The following PDE4D variants were observed in gnomAD, a reference collection of about 807,000 sequenced individuals.
PDE4D encodes the protein phosphodiesterase 4D.
Under a neutral mutation model 87.4 loss-of-function variants are expected in PDE4D, and 24 were observed. The observed-to-expected ratio is 0.27, with a 90% confidence interval of 0.20 to 0.39. The LOEUF (loss-of-function observed/expected upper bound fraction) is 0.39. Ranked by LOEUF, PDE4D falls within the 10% of genes least tolerant of loss-of-function variation. The pLI, the probability that PDE4D is intolerant of heterozygous loss-of-function variation, is 1.00. For missense variants in PDE4D, 714 were observed against 1,041.0 expected (o/e 0.69, Z 4.32); for synonymous variants, 384 against 383.2 (o/e 1.00, Z -0.02).
chr5:59,153,061 A>G (rs1779678275), intron 5 of PDE4D, among the ~76,000 whole-genome samples: 2 of 152,166 alleles, frequency 1.3e-5, no homozygotes, highest in African/African-American at 4.8e-5. Flanking sequence ...AGAGGGAAAG[A>G]AAATGGAAGG....
chr5:59,416,700 TA>T (rs1367288644), intron 1 of PDE4D, among the ~76,000 whole-genome samples: 3 of 152,218 alleles, frequency 2.0e-5, no homozygotes, highest in African/African-American at 7.2e-5. Context: ...TGTTTTATGT[TA>T]ATCAGAGTAA....
chr5:59,657,494 A>C (rs1744561518), intron 1 of PDE4D, among the ~76,000 whole-genome samples: 1 of 152,202 alleles, frequency 6.6e-6, no homozygotes, highest in Non-Finnish European at 1.5e-5. Flanking sequence ...TTTTAGATAA[A>C]AAATAAATGT....
chr5:59,319,532 T>A (rs1045332786), intron 1 of PDE4D, among the ~76,000 whole-genome samples: 6 of 152,140 alleles, frequency 3.9e-5, no homozygotes, highest in Non-Finnish European at 7.4e-5. Context: ...GAGAAAATCA[T>A]GGAAATTACA....
intron 1 of PDE4D, among the ~76,000 whole-genome samples, chr5:59,529,779 T>C (rs567318977): frequency 6.6e-6 from 1 of 152,328 alleles, no homozygotes; most frequent in South Asian, 2.1e-4. Flanking sequence ...TACTTCTCTG[T>C]AGGTATCTCG....
intron 5 of PDE4D, among the ~76,000 whole-genome samples, chr5:59,075,851 T>C (rs578215644): frequency 2.2e-4 from 34 of 152,296 alleles, no homozygotes; most frequent in African/African-American, 7.9e-4. Flanking sequence ...TATCCATTTT[T>C]TTTAAAGACC....
intron 2 of PDE4D, among the ~76,000 whole-genome samples, chr5:60,065,879 G>A (rs1028597581): frequency 1.3e-5 from 2 of 152,060 alleles, no homozygotes; most frequent in Admixed American, 6.6e-5. Context: ...ATTGTGAATA[G>A]TGCAGCTATA....
intron 1 of PDE4D, chr5:59,592,204 T>C: frequency 1.1e-6 from 1 of 897,514 alleles, no homozygotes; most frequent in Non-Finnish European, 1.3e-6. Flanking sequence ...AAAAACATTG[T>C]TGGTACTCAG....
chr5:59,410,016 C>T (rs966031083), intron 1 of PDE4D, among the ~76,000 whole-genome samples: 2 of 152,146 alleles, frequency 1.3e-5, no homozygotes, highest in African/African-American at 4.8e-5. Flanking sequence ...GTAATAATCA[C>T]ATCAGGATAA....
intron 2 of PDE4D, among the ~76,000 whole-genome samples, chr5:60,085,755 A>G (rs1358965750): frequency 6.6e-6 from 1 of 152,150 alleles, no homozygotes. Flanking sequence ...TTCATCATTT[A>G]TTGTTGTTAT....
At chr5:59,486,233 T>A (rs1489853434) in intron 1 of PDE4D, among the ~76,000 whole-genome samples, 1 of 152,188 alleles carries the variant, frequency 6.6e-6, no homozygotes, top group Non-Finnish European at 1.5e-5. Context: ...GAATGTCATC[T>A]AGGAAACCAC....
At chr5:60,498,389 C>T (rs929496765) in intron 1 of PDE4D, among the ~76,000 whole-genome samples, 14 of 152,154 alleles carry the variant, frequency 9.2e-5, no homozygotes, top group African/African-American at 3.4e-4. Context: ...AAGGTGAATC[C>T]GAGCACAAGT....
intron 5 of PDE4D, among the ~76,000 whole-genome samples, chr5:59,171,284 T>C (rs1782727402): frequency 6.6e-6 from 1 of 152,158 alleles, no homozygotes; most frequent in Non-Finnish European, 1.5e-5. Flanking sequence ...TTCCCTCATC[T>C]CCACAGCCCC....
At chr5:59,217,998 G>T (rs1751642779) in intron 1 of PDE4D, 2 of 488,536 alleles carry the variant, frequency 4.1e-6, no homozygotes, top group African/African-American at 2.0e-5. Flanking sequence ...ACTCAGGCTG[G>T]GATATCTGAG....
At chr5:59,861,643 A>AT (rs1185093215) in intron 1 of PDE4D, among the ~76,000 whole-genome samples, 8 of 152,026 alleles carry the variant, frequency 5.3e-5, no homozygotes, top group African/African-American at 1.9e-4. Flanking sequence ...GTTAATGTTC[A>AT]TTTTTTTTCC....
chr5:60,148,421 T>C (rs2910839), intron 2 of PDE4D, among the ~76,000 whole-genome samples: 2 of 152,200 alleles, frequency 1.3e-5, no homozygotes, highest in East Asian at 3.9e-4. Context: ...ATTAGCAGTA[T>C]TCTAGAGATA....
At position 59,565,760 on chromosome 5, in the gene PDE4D, G is replaced by A. The variant is rs139261548; in HGVS notation, c.455+327408C>T. Reference sequence around the variant, plus strand: ...ATGATTACAGCTTCAGAATGCTGAAGTGCAGCTGTGCCTATGTTTTCTTCC... The same window carrying A: ...ATGATTACAGCTTCAGAATGCTGAAATGCAGCTGTGCCTATGTTTTCTTCC... On this transcript the variant is annotated intron_variant, in intron 1 of 14. Transcript: ENST00000340635. Among the ~76,000 whole-genome samples the A allele has an allele frequency of 1.4e-3, 209 of 152,300 alleles. 1 individual carries two copies. The highest frequency in any genetic ancestry group is 4.8e-3 in the African/African-American group (201 of 41,546).
chr5:59,847,323 T>C (rs986319580), intron 1 of PDE4D, among the ~76,000 whole-genome samples: 1 of 152,038 alleles, frequency 6.6e-6, no homozygotes, highest in African/African-American at 2.4e-5. Context: ...CAACTCAAGG[T>C]TGGATCTACA....
chr5:60,074,324 A>G (rs1773055282), intron 2 of PDE4D, among the ~76,000 whole-genome samples: 1 of 152,044 alleles, frequency 6.6e-6, no homozygotes, highest in Non-Finnish European at 1.5e-5. Flanking sequence ...TTTCCATGTA[A>G]CTGTATGGTT....
chr5:60,103,869 T>C (rs145086524), intron 2 of PDE4D, among the ~76,000 whole-genome samples: 33 of 149,644 alleles, frequency 2.2e-4, no homozygotes, highest in African/African-American at 7.6e-4. Flanking sequence ...GAAAAAAAAA[T>C]CGAGGAAGAG....
Sources: gnomAD v4.1 joint callset for allele counts (sites outside exome capture counted in the v4.1 genomes callset) on GRCh38, gnomAD v4.1.1 for gene constraint, MANE v1.5 for transcripts, NCBI Gene and HGNC (gene_info 2026-07-23, HGNC 2026-07-21) for gene names.